The following MINDY3 variants were observed in gnomAD, a reference collection of about 807,000 sequenced individuals.
MINDY3 encodes the protein ubiquitin carboxyl-terminal hydrolase MINDY-3.
MINDY3 carries 38 observed loss-of-function variants against 69.2 expected under a neutral mutation model. The observed-to-expected ratio is 0.55, with a 90% CI of 0.42 to 0.72. The LOEUF (loss-of-function observed/expected upper bound fraction) is 0.72, where lower values mean the gene tolerates loss of function less well. Ranked by LOEUF, MINDY3 falls within the 30% of genes least tolerant of loss-of-function variation. The pLI is 0.00. For synonymous variants in MINDY3, 192 were observed against 180.1 expected, an observed-to-expected ratio of 1.07 and a Z score of -0.53; for missense variants, 522 against 519.0, an observed-to-expected ratio of 1.01 and a Z score of -0.06.
intron 4 of MINDY3, among the ~76,000 whole-genome samples, chr10:15,840,484 C>T (rs1045079303): frequency 1.3e-5 from 2 of 151,632 alleles, no homozygotes; most frequent in Admixed American, 1.3e-4. Context: ...AACACAGAGG[C>T]ATTTTAGTCC....
intron 10 of MINDY3, among the ~76,000 whole-genome samples, chr10:15,815,356 T>C (rs1398108129): frequency 6.6e-6 from 1 of 152,242 alleles, no homozygotes; most frequent in African/African-American, 2.4e-5. Context: ...TATCTTGCTC[T>C]ATAACCCCTA....
chr10:15,824,848 C>T (rs1839984972), intron 8 of MINDY3, among the ~76,000 whole-genome samples: 1 of 152,146 alleles, frequency 6.6e-6, no homozygotes, highest in Non-Finnish European at 1.5e-5. Context: ...TAGATTTGAT[C>T]AGTAAACACA....
At chr10:15,848,242 G>T (rs1833992256) in intron 1 of MINDY3, among the ~76,000 whole-genome samples, 1 of 152,126 alleles carries the variant, frequency 6.6e-6, no homozygotes, top group Non-Finnish European at 1.5e-5. Flanking sequence ...ATCTAAGGAG[G>T]ACTAGATAGT....
chr10:15,860,248 T>C lies in MINDY3; in HGVS notation c.52A>G (p.Ser18Gly). 1.9e-6 allele frequency: 3 copies of C among 1,611,056 alleles called. No individual in the cohort carries two copies. Among genetic ancestry groups the C allele is most frequent in the Non-Finnish European group, 2.5e-6 (3 of 1,178,772 alleles). ...LMELVWGTKS[S>G]PGLSDTIFCR... ...AAAATGGTGTCCGAGAGACCGGGGCTGCTCTTGGTGCCCCACACCAGCTCC... is the reference window on the plus strand; with the variant it reads ...AAAATGGTGTCCGAGAGACCGGGGCCGCTCTTGGTGCCCCACACCAGCTCC... Residue 18 changes from serine (S) to glycine (G), a missense_variant, in exon 1 of 15, where the codon AGC (serine) becomes GGC (glycine). By Grantham distance (56) the Ser-to-Gly change is moderately conservative. Coordinates refer to ENST00000277632, the MANE Select transcript of MINDY3 (RefSeq NM_024948.4).
intron 2 of MINDY3, 142 bp downstream of exon 2, chr10:15,847,722 T>C: frequency 3.8e-6 from 2 of 526,476 alleles, no homozygotes; most frequent in Non-Finnish European, 6.9e-6. Flanking sequence ...TTTGGATATT[T>C]ATTGTAATTT....
chr10:15,837,627 T>TG, intron 5 of MINDY3: 1 of 1,262,270 alleles, frequency 7.9e-7, no homozygotes, highest in Non-Finnish European at 1.0e-6. Flanking sequence ...AAGAATAGAG[T>TG]GGCCTTCTTG....
rs183888910 is a variant in MINDY3 at position 15,796,346 on chromosome 10, G to C, written c.883-174C>G. 1.3e-4 allele frequency among the ~76,000 whole-genome samples: 19 copies of C among 151,868 alleles called. No homozygotes were observed. In the South Asian group the frequency reaches 1.7e-3, roughly 13 times the overall value. ...AAACTCTCCAGGCCATTTATTTTACGTCTGAAAAGTGGCAATAAAAGCTTA... is the reference window on the plus strand; with the variant it reads ...AAACTCTCCAGGCCATTTATTTTACCTCTGAAAAGTGGCAATAAAAGCTTA... On this transcript the variant is annotated intron_variant, in intron 10 of 14. Transcript: ENST00000277632.
chr10:15,794,762 C>T (rs1416635559), intron 11 of MINDY3, among the ~76,000 whole-genome samples: 2 of 152,008 alleles, frequency 1.3e-5, no homozygotes, highest in Admixed American at 1.3e-4. Context: ...TTAGTGATTA[C>T]TAAAAGCAAA....
intron 10 of MINDY3, among the ~76,000 whole-genome samples, chr10:15,812,271 T>C (rs1839058060): frequency 6.6e-6 from 1 of 152,226 alleles, no homozygotes; most frequent in Non-Finnish European, 1.5e-5. Flanking sequence ...AATTTCAATG[T>C]TCTATAATTT....
intron 10 of MINDY3, among the ~76,000 whole-genome samples, chr10:15,803,169 G>A (rs930168320): frequency 6.6e-6 from 1 of 152,118 alleles, no homozygotes. Flanking sequence ...GATGTAATCA[G>A]AAAGTTATGA....
chr10:15,809,252 A>G (rs1838836893), intron 10 of MINDY3, among the ~76,000 whole-genome samples: 1 of 152,182 alleles, frequency 6.6e-6, no homozygotes, highest in Non-Finnish European at 1.5e-5. Context: ...GATTATTATG[A>G]AAGACCTGAC....
At chr10:15,856,429 C>A (rs1023750988) in intron 1 of MINDY3, among the ~76,000 whole-genome samples, 17 of 150,192 alleles carry the variant, frequency 1.1e-4, no homozygotes, top group Middle Eastern at 3.4e-3. Flanking sequence ...AAAAAAAAAA[C>A]CCACCCACTG....
chr10:15,804,809 A>T (rs560393129), intron 10 of MINDY3, among the ~76,000 whole-genome samples: 1 of 152,288 alleles, frequency 6.6e-6, no homozygotes, highest in South Asian at 2.1e-4. Context: ...TGGCAGCAAG[A>T]TTAACAGAAT....
intron 6 of MINDY3, 108 bp downstream of exon 6, chr10:15,837,096 T>A (rs1833134769): frequency 1.6e-6 from 1 of 622,600 alleles, no homozygotes; most frequent in African/African-American, 1.9e-5. Context: ...AAGATTTTTA[T>A]TCTAAGAATT....
intron 1 of MINDY3, among the ~76,000 whole-genome samples, chr10:15,852,510 C>T (rs2132138064): frequency 6.6e-6 from 1 of 152,112 alleles, no homozygotes; most frequent in East Asian, 1.9e-4. Flanking sequence ...TGAGCAGAGG[C>T]TGAGTCAGCA....
chr10:15,857,753 G>A (rs543138728), intron 1 of MINDY3, among the ~76,000 whole-genome samples: 30 of 152,260 alleles, frequency 2.0e-4, no homozygotes, highest in Admixed American at 5.9e-4. Context: ...ATCTAAAAAT[G>A]TCAAGCCAAT....
chr10:15,781,909 G>T (rs1836563321), intron 14 of MINDY3, among the ~76,000 whole-genome samples: 1 of 152,116 alleles, frequency 6.6e-6, no homozygotes, highest in South Asian at 2.1e-4. Flanking sequence ...CAAGGGTAAC[G>T]ATCTGTATGG....
rs1837807135 is a variant in MINDY3 at position 15,796,162 on chromosome 10, A to G, written c.893T>C (p.Leu298Ser). 1 of 1,612,572 alleles carries G rather than the reference A, an allele frequency of 6.2e-7. No individual in the cohort carries two copies. The highest frequency in any genetic ancestry group is 1.3e-5 in the African/African-American group (1 of 74,978). ...LTVFFAKDMA[L>S]VAPEAPSEQA... is the part of the protein sequence containing the mutation. ...TTCTGAAGGAGCTTCAGGGGCAACT[A>G]AAGCCATATCCTGAAAAGATAAGAA... The change falls in exon 11 of 15, where the codon TTA becomes TCA. Residue 298 changes from leucine to serine, a missense_variant. By Grantham distance (145) the Leu-to-Ser change is moderately radical. Transcript: ENST00000277632.
intron 8 of MINDY3, among the ~76,000 whole-genome samples, chr10:15,823,246 A>G (rs1839887683): frequency 6.6e-6 from 1 of 152,180 alleles, no homozygotes; most frequent in African/African-American, 2.4e-5. Flanking sequence ...CAGATCAGGT[A>G]GAGCAATGGT....
Sources: allele counts gnomAD v4.1 joint callset (sites outside exome capture counted in the v4.1 genomes callset), GRCh38; gene constraint gnomAD v4.1.1; transcripts MANE v1.5; gene names NCBI Gene and HGNC (gene_info 2026-07-23, HGNC 2026-07-21).